RIMS2: variants seen among roughly 807,000 people sequenced by gnomAD.
RIMS2 encodes the protein regulating synaptic membrane exocytosis protein 2.
A neutral mutation model predicts 174.4 loss-of-function variants in RIMS2; 59 were observed. That is an observed-to-expected ratio of 0.34 (90% CI 0.27 to 0.42). The LOEUF is 0.42. Among genes scored for constraint, RIMS2 ranks in the 10% least tolerant of loss-of-function variants. The pLI is 1.00. For synonymous variants in RIMS2, 606 were observed against 572.5 expected, an observed-to-expected ratio of 1.06 and a Z score of -0.84; for missense variants, 1,620 against 1,666.3, an observed-to-expected ratio of 0.97 and a Z score of 0.48.
chr8:103,687,320 T>A (rs984500606), intron 1 of RIMS2, among the ~76,000 whole-genome samples: 1 of 152,056 alleles, frequency 6.6e-6, no homozygotes, highest in African/African-American at 2.4e-5. Context: ...GTAATTTGTG[T>A]CTTGTTTTTT....
At chr8:104,184,786 G>T (rs1035415616) in intron 19 of RIMS2, among the ~76,000 whole-genome samples, 2 of 151,502 alleles carry the variant, frequency 1.3e-5, no homozygotes, top group Non-Finnish European at 3.0e-5. Context: ...GTAAATCAAA[G>T]ATTTTTAGAA....
intron 2 of RIMS2, among the ~76,000 whole-genome samples, chr8:103,742,274 G>A (rs2097769183): frequency 6.6e-6 from 1 of 152,008 alleles, no homozygotes; most frequent in Non-Finnish European, 1.5e-5. Flanking sequence ...CTAAATGTGA[G>A]TATTTACAGT....
chr8:103,640,742 A>G (rs929698825), intron 1 of RIMS2, among the ~76,000 whole-genome samples: 9 of 151,934 alleles, frequency 5.9e-5, no homozygotes, highest in African/African-American at 1.9e-4. Context: ...GTATTCTTTT[A>G]AATTTATTAA....
intron 3 of RIMS2, among the ~76,000 whole-genome samples, chr8:103,882,468 G>A (rs945659109): frequency 9.3e-5 from 14 of 151,336 alleles, no homozygotes; most frequent in African/African-American, 1.2e-4. Flanking sequence ...CTTGTTTCTC[G>A]CATAGTGTTA....
At chr8:103,571,994 C>T (rs868365924) in intron 1 of RIMS2, among the ~76,000 whole-genome samples, 4 of 151,778 alleles carry the variant, frequency 2.6e-5, no homozygotes, top group East Asian at 1.9e-4. Flanking sequence ...TGGTTCCTTC[C>T]GGTGGGTTCT....
At chr8:103,623,717 C>G (rs1014326304) in intron 1 of RIMS2, among the ~76,000 whole-genome samples, 4 of 151,532 alleles carry the variant, frequency 2.6e-5, no homozygotes, top group Non-Finnish European at 4.4e-5. Context: ...TCTCGATCTC[C>G]TGACCTCGTG....
intron 19 of RIMS2, among the ~76,000 whole-genome samples, chr8:104,037,195 A>G (rs1027528512): frequency 2.6e-5 from 4 of 152,120 alleles, no homozygotes; most frequent in Admixed American, 2.6e-4. Flanking sequence ...TCTTTGTATC[A>G]CTGAGGTCCT....
intron 4 of RIMS2, among the ~76,000 whole-genome samples, chr8:103,903,914 GTT>G (rs1211902057): frequency 6.6e-6 from 1 of 152,102 alleles, no homozygotes; most frequent in Non-Finnish European, 1.5e-5. Context: ...GCTTCACCGA[GTT>G]TCCTCAGTGG....
At chr8:103,999,870 A>C (rs964293220) in intron 17 of RIMS2, among the ~76,000 whole-genome samples, 1 of 151,766 alleles carries the variant, frequency 6.6e-6, no homozygotes, top group African/African-American at 2.4e-5. Context: ...ATTTTGAAGA[A>C]GACATTTATG....
At chr8:103,866,298 A>G (rs1241422580) in intron 3 of RIMS2, among the ~76,000 whole-genome samples, 1 of 152,140 alleles carries the variant, frequency 6.6e-6, no homozygotes, top group African/African-American at 2.4e-5. Flanking sequence ...ACAGGACTAC[A>G]ATGTCTTAGA....
intron 19 of RIMS2, among the ~76,000 whole-genome samples, chr8:104,040,190 A>AT (rs2096585176): frequency 6.6e-6 from 1 of 151,730 alleles, no homozygotes; most frequent in South Asian, 2.1e-4. Context: ...TTGCAAGTAT[A>AT]TTTTGATGCA....
At chr8:103,516,677 T>C (rs1345307999) in intron 1 of RIMS2, among the ~76,000 whole-genome samples, 2 of 152,138 alleles carry the variant, frequency 1.3e-5, no homozygotes, top group East Asian at 3.8e-4. Context: ...ACATACTTTA[T>C]GTGCTGGAAA....
intron 14 of RIMS2, among the ~76,000 whole-genome samples, chr8:103,952,963 G>A (rs925408644): frequency 6.6e-6 from 1 of 152,132 alleles, no homozygotes; most frequent in African/African-American, 2.4e-5. Context: ...ATTTTGTGAA[G>A]CATACATGAG....
chr8:103,958,804 G>T (rs1293972173), intron 14 of RIMS2, among the ~76,000 whole-genome samples: 1 of 152,116 alleles, frequency 6.6e-6, no homozygotes, highest in East Asian at 1.9e-4. Flanking sequence ...TTTTAGGAAG[G>T]TTGTAAGACA....
intron 19 of RIMS2, among the ~76,000 whole-genome samples, chr8:104,195,399 G>A (rs1480726602): frequency 6.6e-6 from 1 of 152,022 alleles, no homozygotes; most frequent in Non-Finnish European, 1.5e-5. Flanking sequence ...TAAAGCATTT[G>A]GGGATATTTT....
chr8:104,168,322 T>C (rs1025843779), intron 19 of RIMS2, among the ~76,000 whole-genome samples: 1 of 152,302 alleles, frequency 6.6e-6, no homozygotes, highest in South Asian at 2.1e-4. Flanking sequence ...CATTTGTTTG[T>C]GTCATCTGTG....
chr8:103,766,717 A>G (rs1465634531), intron 3 of RIMS2, among the ~76,000 whole-genome samples, 180 bp downstream of exon 6: 3 of 152,216 alleles, frequency 2.0e-5, no homozygotes, highest in Non-Finnish European at 4.4e-5. Flanking sequence ...GGTTTGAACT[A>G]TCTTAGATTT....
chr8:104,179,925 C>T (rs927421294), intron 19 of RIMS2, among the ~76,000 whole-genome samples: 2 of 151,812 alleles, frequency 1.3e-5, no homozygotes, highest in Admixed American at 6.6e-5. Context: ...CATAATCATA[C>T]AGACTTTATC....
chr8:103,768,736 G>A, intron 3 of RIMS2: 1 of 764,696 alleles, frequency 1.3e-6, no homozygotes, highest in Non-Finnish European at 2.4e-6. Context: ...AGAAGATGAT[G>A]TCCACCAGTA....
Sources: allele counts gnomAD v4.1 joint callset (sites outside exome capture counted in the v4.1 genomes callset), GRCh38; gene constraint gnomAD v4.1.1; transcripts MANE v1.5; gene names NCBI Gene and HGNC (gene_info 2026-07-23, HGNC 2026-07-21).